Variants in DCLK2 observed in about 807,000 individuals in gnomAD.
The protein encoded by DCLK2 is serine/threonine-protein kinase DCLK2.
A neutral mutation model predicts 78.4 loss-of-function variants in DCLK2; 31 were observed. The observed-to-expected ratio is 0.40, with a 90% CI of 0.30 to 0.53. The LOEUF is 0.53. Among genes scored for constraint, DCLK2 ranks in the 20% least tolerant of loss-of-function variants. The probability of loss-of-function intolerance (pLI) is 0.61; values close to 1 mark genes in which losing one functional copy is unlikely to be tolerated. For synonymous variants in DCLK2, 407 were observed against 374.9 expected (o/e 1.09, Z -0.99); for missense variants, 872 against 973.7 (o/e 0.90, Z 1.39).
intron 15 of DCLK2, chr4:150,253,877 C>T (rs1744367466): frequency 1.0e-6 from 1 of 985,440 alleles, no homozygotes; most frequent in Non-Finnish European, 1.2e-6. Context: ...TAAGATGGTG[C>T]CTTCGTGAAG....
chr4:150,190,238 GATAGATAGATAGATA>G lies in DCLK2; in HGVS notation c.757-2899_757-2885del, dbSNP rs1560850780. Among the ~76,000 whole-genome samples the G allele has an allele frequency of 3.2e-4, 8 of 24,760 alleles. No homozygotes were observed. In the East Asian group the frequency reaches 0.014, roughly 45 times the overall value. The allele number at this position is 24,760 out of a possible 152,430, so 16.2% of individuals were successfully genotyped here. A position where few individuals can be genotyped will look rare whatever the true frequency, so the allele number is the denominator to read the frequency against. Reference sequence around the variant, plus strand: ...AGATAGATGGATAGATGGATAGTTAGATAGATAGATAGATAGATAGATAGATAGATAGATAGATAG... The same window carrying G: ...AGATAGATGGATAGATGGATAGTTAGGATAGATAGATAGATAGATAGATAG... On this transcript the variant is annotated intron_variant, in intron 2 of 15. Transcript: ENST00000296550.
chr4:150,220,193 A>G (rs566734476), intron 5 of DCLK2, among the ~76,000 whole-genome samples: 1 of 152,336 alleles, frequency 6.6e-6, no homozygotes, highest in East Asian at 1.9e-4. Flanking sequence ...ATTCTGCCAT[A>G]GAGTGCTGTC....
chr4:150,150,795 C>T (rs76912774), intron 2 of DCLK2, among the ~76,000 whole-genome samples: 4,466 of 152,320 alleles, frequency 0.029, 186 homozygotes, highest in African/African-American at 0.098. Flanking sequence ...GCTTTTGTTG[C>T]CTTGTGAACT....
chr4:150,141,735 T>C (rs1357238964), intron 2 of DCLK2, among the ~76,000 whole-genome samples: 1 of 152,204 alleles, frequency 6.6e-6, no homozygotes, highest in Non-Finnish European at 1.5e-5. Context: ...TGTGAAGCAA[T>C]ATGTGATTCC....
chr4:150,156,457 G>A (rs922562247), intron 2 of DCLK2, among the ~76,000 whole-genome samples: 1 of 151,018 alleles, frequency 6.6e-6, no homozygotes, highest in Non-Finnish European at 1.5e-5. Flanking sequence ...AACCAGATGG[G>A]GCAACATAGT....
At chr4:150,083,100 G>A (rs1433290130) in intron 1 of DCLK2, among the ~76,000 whole-genome samples, 1 of 152,098 alleles carries the variant, frequency 6.6e-6, no homozygotes, top group Non-Finnish European at 1.5e-5. Context: ...AATTATCTGA[G>A]GGGTTATTGT....
chr4:150,175,922 C>T (rs926893928), intron 2 of DCLK2, among the ~76,000 whole-genome samples: 1 of 152,046 alleles, frequency 6.6e-6, no homozygotes, highest in African/African-American at 2.4e-5. Context: ...AGAGCTCCTG[C>T]ACTGAGGTCT....
At chr4:150,196,204 C>G (rs1031634631) in intron 3 of DCLK2, among the ~76,000 whole-genome samples, 3 of 152,126 alleles carry the variant, frequency 2.0e-5, no homozygotes, top group African/African-American at 7.2e-5. Flanking sequence ...AGTGAAGTAA[C>G]TACATCCTCG....
intron 1 of DCLK2, among the ~76,000 whole-genome samples, chr4:150,098,540 T>A (rs1299382198): frequency 6.6e-6 from 1 of 152,152 alleles, no homozygotes; most frequent in Non-Finnish European, 1.5e-5. Flanking sequence ...TTTCAATAGC[T>A]TTTGGGGTAC....
At chr4:150,206,581 A>T (rs1020335556) in intron 5 of DCLK2, among the ~76,000 whole-genome samples, 4 of 152,086 alleles carry the variant, frequency 2.6e-5, no homozygotes, top group African/African-American at 9.7e-5. Context: ...AAGACTTTTG[A>T]TTTTAAATGA....
At chr4:150,236,587 T>A (rs1560897705) in intron 10 of DCLK2, among the ~76,000 whole-genome samples, 1 of 152,102 alleles carries the variant, frequency 6.6e-6, no homozygotes, top group Non-Finnish European at 1.5e-5. Flanking sequence ...GCCTTTGGAG[T>A]CCCTGTTCAT....
chr4:150,119,632 C>A (rs1231224898), intron 2 of DCLK2, among the ~76,000 whole-genome samples: 1 of 152,144 alleles, frequency 6.6e-6, no homozygotes, highest in Non-Finnish European at 1.5e-5. Context: ...TCCACCTCTG[C>A]TACTTTCTGC....
intron 15 of DCLK2, among the ~76,000 whole-genome samples, chr4:150,254,837 GC>G (rs1408083486): frequency 6.6e-6 from 1 of 152,126 alleles, no homozygotes; most frequent in Non-Finnish European, 1.5e-5. Flanking sequence ...ACGCCACCTT[GC>G]CCGGCTAATT....
At chr4:150,115,973 G>A (rs1732056080) in intron 2 of DCLK2, among the ~76,000 whole-genome samples, 1 of 152,138 alleles carries the variant, frequency 6.6e-6, no homozygotes, top group African/African-American at 2.4e-5. Flanking sequence ...TCTTTTCAAA[G>A]GGAAGGGAGG....
chr4:150,248,856 T>G (rs1743524350), intron 14 of DCLK2, among the ~76,000 whole-genome samples: 1 of 151,956 alleles, frequency 6.6e-6, no homozygotes, highest in Admixed American at 6.6e-5. Context: ...ACACATGATA[T>G]TGACTAGAGT....
At chr4:150,148,712 GT>G (rs1179928811) in intron 2 of DCLK2, among the ~76,000 whole-genome samples, 1 of 151,948 alleles carries the variant, frequency 6.6e-6, no homozygotes, top group Non-Finnish European at 1.5e-5. Flanking sequence ...TAAATATAGA[GT>G]TCATAATTCC....
At chr4:150,117,384 A>G (rs1053441929) in intron 2 of DCLK2, among the ~76,000 whole-genome samples, 4 of 152,212 alleles carry the variant, frequency 2.6e-5, no homozygotes, top group Non-Finnish European at 5.9e-5. Context: ...CTTGAGGAGA[A>G]GGAAACCAGG....
chr4:150,248,289 G>T lies in DCLK2; in HGVS notation c.1876-16G>T. On this transcript the variant is annotated splice_polypyrimidine_tract_variant and intron_variant, in intron 13 of 15. Transcript: ENST00000296550. ...TTTCTCCTCCTCTGTGGTCTGACTTGTTTGTTTATTTGTAGGAATTAATCA... is the reference window on the plus strand; with the variant it reads ...TTTCTCCTCCTCTGTGGTCTGACTTTTTTGTTTATTTGTAGGAATTAATCA... The T allele has an allele frequency of 6.2e-7, 1 of 1,611,326 alleles. No individual in the cohort carries two copies. The highest frequency in any genetic ancestry group is 8.5e-7 in the Non-Finnish European group (1 of 1,177,650).
chr4:150,135,969 A>G (rs1423702619), intron 2 of DCLK2, among the ~76,000 whole-genome samples: 1 of 152,192 alleles, frequency 6.6e-6, no homozygotes, highest in Non-Finnish European at 1.5e-5. Context: ...CTCCAGTTGC[A>G]TTCACTGACC....
Sources: allele counts gnomAD v4.1 joint callset (sites outside exome capture counted in the v4.1 genomes callset), GRCh38; gene constraint gnomAD v4.1.1; transcripts MANE v1.5; gene names NCBI Gene and HGNC (gene_info 2026-07-23, HGNC 2026-07-21).